ALDH7A1: variants seen among roughly 807,000 people sequenced by gnomAD.
The protein encoded by ALDH7A1 is aldehyde dehydrogenase 7 family member A1, also known as alpha-aminoadipic semialdehyde dehydrogenase.
ALDH7A1 carries 63 observed loss-of-function variants against 79.9 expected under a neutral mutation model. The ratio of observed to expected loss-of-function variants is 0.79; its 90% CI spans 0.64 to 0.97. The LOEUF is 0.97. Among genes scored for constraint, ALDH7A1 ranks in the 50% least tolerant of loss-of-function variants. ALDH7A1 has a pLI of 0.00. For missense variants in ALDH7A1, 627 were observed against 665.2 expected (o/e 0.94, Z 0.63); for synonymous variants, 240 against 231.2 (o/e 1.04, Z -0.34).
chr5:126,558,359 T>C (rs554571057), intron 11 of ALDH7A1, among the ~76,000 whole-genome samples: 13 of 152,232 alleles, frequency 8.5e-5, no homozygotes, highest in South Asian at 2.1e-4. Context: ...CATCTCCTTA[T>C]ATACACTTAA....
At chr5:126,593,088 C>G (rs966632013) in intron 2 of ALDH7A1, among the ~76,000 whole-genome samples, 4 of 152,160 alleles carry the variant, frequency 2.6e-5, no homozygotes, top group African/African-American at 9.7e-5. Flanking sequence ...CCTTAAATGG[C>G]CCCCTGCCTA....
chr5:126,594,460 T>G, intron 1 of ALDH7A1: 1 of 288,176 alleles, frequency 3.5e-6, no homozygotes, highest in Non-Finnish European at 6.9e-6. Flanking sequence ...TTTTTTTTTT[T>G]TGAGACGGAA....
At chr5:126,593,440 C>T (rs753558719) in intron 1 of ALDH7A1, 36 bp from the exon 2 acceptor site, 8 of 1,613,036 alleles carry the variant, frequency 5.0e-6, no homozygotes, top group South Asian at 4.4e-5. Flanking sequence ...GTATAGAAAA[C>T]GTAATCCCTT....
At chr5:126,581,713 C>T (rs1314664472) in intron 5 of ALDH7A1, 1 of 161,860 alleles carries the variant, frequency 6.2e-6, no homozygotes, top group East Asian at 1.7e-4. Context: ...GGCACAGTGG[C>T]TCACGCCTGT....
chr5:126,587,278 T>C (rs1193648808), intron 3 of ALDH7A1: 1 of 152,220 alleles, frequency 6.6e-6, no homozygotes, highest in African/African-American at 2.4e-5. Context: ...TCAATTTCTA[T>C]AAACTACCTT....
chr5:126,546,528 C>T, intron 16 of ALDH7A1, 129 bp from the exon 17 acceptor site: 1 of 785,646 alleles, frequency 1.3e-6, no homozygotes, highest in South Asian at 1.5e-5. Flanking sequence ...ATTTAGCCCA[C>T]AATATCTCCC....
At chr5:126,554,899 C>A in intron 12 of ALDH7A1, 2 of 205,838 alleles carry the variant, frequency 9.7e-6, no homozygotes, top group Non-Finnish European at 2.0e-5. Flanking sequence ...TGACAGTGAC[C>A]CAGCAACAAA....
chr5:126,562,914 C>A (rs1232570403), intron 9 of ALDH7A1, among the ~76,000 whole-genome samples: 1 of 152,114 alleles, frequency 6.6e-6, no homozygotes, highest in African/African-American at 2.4e-5. Flanking sequence ...TATAACCCCA[C>A]TCAAATGAAA....
chr5:126,560,564 C>T (rs915122883), intron 10 of ALDH7A1, among the ~76,000 whole-genome samples: 2 of 152,138 alleles, frequency 1.3e-5, no homozygotes, highest in African/African-American at 4.8e-5. Flanking sequence ...AATATCTAAG[C>T]ATTTTTGTGA....
chr5:126,558,181 A>G (rs1440248516), intron 11 of ALDH7A1, among the ~76,000 whole-genome samples: 6 of 149,746 alleles, frequency 4.0e-5, no homozygotes, highest in African/African-American at 1.5e-4. Flanking sequence ...AAAAAAAAAA[A>G]AAAAAAAAAA....
At chr5:126,559,400 T>A in intron 10 of ALDH7A1, 66 bp from the exon 11 acceptor site, 1 of 1,187,154 alleles carries the variant, frequency 8.4e-7, no homozygotes, top group Non-Finnish European at 1.3e-6. Context: ...TGTTAGCTGG[T>A]ATAAAACAAT....
chr5:126,593,771 G>C, intron 1 of ALDH7A1: 1 of 345,036 alleles, frequency 2.9e-6, no homozygotes, highest in South Asian at 2.9e-5. Context: ...AGATGAAATG[G>C]CCAAGGCAGG....
chr5:126,570,262 AT>A (rs1358834059), intron 8 of ALDH7A1: 2 of 172,600 alleles, frequency 1.2e-5, no homozygotes, highest in Non-Finnish European at 2.5e-5. Context: ...AAAAACCACT[AT>A]ATTGTACACT....
intron 11 of ALDH7A1, 34 bp from the exon 12 acceptor site, chr5:126,556,049 G>A: frequency 7.1e-7 from 1 of 1,412,700 alleles, no homozygotes; most frequent in Non-Finnish European, 1.0e-6. Flanking sequence ...GGCATAGTAT[G>A]ATAAATGCAC....
In ALDH7A1 at chr5:126,544,739, C is replaced by G; in HGVS notation, c.*226G>C. The stretch of plus-strand genomic sequence containing the variant: ...TACAACTAGTTGACATAATAAAAAT[C>G]CACCTAACTCATCTTTTAGTAACTA... On this transcript the variant is annotated 3_prime_UTR_variant, in exon 18 of 18. Transcript: ENST00000409134. 1.9e-6 allele frequency: 1 copy of G among 540,452 alleles called. No homozygotes were observed. Among genetic ancestry groups the G allele is most frequent in the Non-Finnish European group, 3.3e-6 (1 of 302,096 alleles). 33.5% of individuals were successfully genotyped at this position (540,452 alleles called of 1,614,324 possible). A position where few individuals can be genotyped will look rare whatever the true frequency, so the allele number is the denominator to read the frequency against.
intron 5 of ALDH7A1, among the ~76,000 whole-genome samples, chr5:126,579,307 G>T (rs1751090489): frequency 6.6e-6 from 1 of 152,012 alleles, no homozygotes; most frequent in Admixed American, 6.6e-5. Flanking sequence ...TCTCCTCTTT[G>T]TCCCATTTGG....
chr5:126,582,196 C>T (rs1042481057), intron 5 of ALDH7A1: 5 of 398,498 alleles, frequency 1.3e-5, no homozygotes, highest in Non-Finnish European at 2.2e-5. Context: ...GCATTCACTA[C>T]TTCCATGGGG....
rs1030317723 is a variant in ALDH7A1, at chr5:126,550,253, T to G, written c.1358A>C (p.Gln453Pro). The change falls in exon 15 of 18, where the codon CAG becomes CCG. Residue 453 changes from glutamine to proline, a missense_variant. Gln to Pro is a moderately conservative substitution (Grantham distance 76). Transcript: ENST00000409134. Reference protein sequence around the residue: ...EVFAWNNEVKQGLSSSIFTKD... With the variant: ...EVFAWNNEVKPGLSSSIFTKD... ...GGTAAAGATGCTACTTGAAAGTCCCTGTTTTACTTCATTATTCCATGCAAA... is the reference window on the plus strand; with the variant it reads ...GGTAAAGATGCTACTTGAAAGTCCCGGTTTTACTTCATTATTCCATGCAAA... 1.2e-6 allele frequency: 2 copies of G among 1,613,672 alleles called. No homozygotes were observed. The highest frequency in any genetic ancestry group is 1.7e-6 in the Non-Finnish European group (2 of 1,179,938).
chr5:126,593,488 AAG>A, intron 1 of ALDH7A1, 84 bp from the exon 2 acceptor site: 1 of 1,577,680 alleles, frequency 6.3e-7, no homozygotes, highest in Non-Finnish European at 8.7e-7. Context: ...GAAGAAAAAC[AAG>A]AGAGGAAAAA....
Sources: gnomAD v4.1 joint callset for allele counts (sites outside exome capture counted in the v4.1 genomes callset) on GRCh38, gnomAD v4.1.1 for gene constraint, MANE v1.5 for transcripts, NCBI Gene and HGNC (gene_info 2026-07-23, HGNC 2026-07-21) for gene names.